The following PTPRK variants were observed in gnomAD, a reference collection of about 807,000 sequenced individuals.
PTPRK encodes the protein protein tyrosine phosphatase receptor type K, also known as receptor-type tyrosine-protein phosphatase kappa.
In PTPRK, 75 loss-of-function variants were observed where a neutral mutation model predicts 178.0. The observed-to-expected ratio is 0.42, with a 90% confidence interval of 0.35 to 0.51. PTPRK has a LOEUF of 0.51. PTPRK is among the 20% of genes least tolerant of loss of function. The pLI is 0.02. For synonymous variants in PTPRK, 637 were observed against 620.6 expected, an observed-to-expected ratio of 1.03 and a Z score of -0.39; for missense variants, 1,441 against 1,797.8, an observed-to-expected ratio of 0.80 and a Z score of 3.59.
chr6:128,179,625 G>A (rs1421719913), intron 7 of PTPRK, among the ~76,000 whole-genome samples: 2 of 151,942 alleles, frequency 1.3e-5, no homozygotes, highest in Admixed American at 1.3e-4. Flanking sequence ...CAAATAGTAA[G>A]TCATCCTTAC....
intron 2 of PTPRK, among the ~76,000 whole-genome samples, chr6:128,385,574 T>C (rs973673064): frequency 7.2e-5 from 11 of 152,236 alleles, no homozygotes; most frequent in African/African-American, 2.2e-4. Flanking sequence ...CAAATACTTA[T>C]TAAATAGTAA....
chr6:128,194,428 A>G (rs1227231571), intron 6 of PTPRK, among the ~76,000 whole-genome samples: 1 of 152,134 alleles, frequency 6.6e-6, no homozygotes, highest in Non-Finnish European at 1.5e-5. Flanking sequence ...AGCCTCTCTC[A>G]GTACTACAGT....
chr6:128,288,369 G>C (rs17055563), intron 3 of PTPRK, among the ~76,000 whole-genome samples: 1,549 of 152,238 alleles, frequency 0.01, 27 homozygotes, highest in African/African-American at 0.035. Context: ...TAATACAAAA[G>C]TGAATCTAGA....
intron 7 of PTPRK, among the ~76,000 whole-genome samples, chr6:128,121,825 G>C (rs1207999687): frequency 6.6e-6 from 1 of 151,812 alleles, no homozygotes; most frequent in African/African-American, 2.4e-5. Context: ...TCCTGTTTAA[G>C]TTTCACTTTT....
intron 14 of PTPRK, among the ~76,000 whole-genome samples, chr6:128,006,327 T>C (rs1049700474): frequency 3.3e-5 from 5 of 150,940 alleles, no homozygotes; most frequent in African/African-American, 2.4e-5. Flanking sequence ...ATTGCCAAAA[T>C]ATTGAAAAAT....
intron 7 of PTPRK, among the ~76,000 whole-genome samples, chr6:128,120,841 C>T (rs896900752): frequency 6.6e-6 from 1 of 151,802 alleles, no homozygotes; most frequent in Non-Finnish European, 1.5e-5. Flanking sequence ...ACTAAAATGA[C>T]ATTTCTACTA....
chr6:128,454,986 C>T (rs914110855), intron 1 of PTPRK, among the ~76,000 whole-genome samples: 1 of 151,906 alleles, frequency 6.6e-6, no homozygotes, highest in African/African-American at 2.4e-5. Context: ...ATATAAAAGC[C>T]TTTTGCAAAG....
At chr6:128,033,212 G>A (rs1037414806) in intron 13 of PTPRK, among the ~76,000 whole-genome samples, 11 of 152,138 alleles carry the variant, frequency 7.2e-5, no homozygotes, top group African/African-American at 2.7e-4. Context: ...TAGCACTTGG[G>A]GCCTGGCACA....
intron 25 of PTPRK, among the ~76,000 whole-genome samples, chr6:127,980,227 T>C (rs1485095518): frequency 1.3e-5 from 2 of 152,224 alleles, no homozygotes; most frequent in Non-Finnish European, 2.9e-5. Flanking sequence ...GGAGAATCGC[T>C]TGAACCTGGG....
chr6:128,307,143 A>C (rs1826507448), intron 3 of PTPRK, among the ~76,000 whole-genome samples: 1 of 140,838 alleles, frequency 7.1e-6, no homozygotes, highest in African/African-American at 3.0e-5. Context: ...GAAGGCTCAG[A>C]GCTCAGAAGA....
At chr6:128,485,078 G>A (rs1852616731) in intron 1 of PTPRK, among the ~76,000 whole-genome samples, 1 of 152,158 alleles carries the variant, frequency 6.6e-6, no homozygotes, top group Non-Finnish European at 1.5e-5. Context: ...CAGTTTTAAT[G>A]CTACCCACAA....
chr6:128,283,215 G>A (rs919904224), intron 3 of PTPRK, among the ~76,000 whole-genome samples: 11 of 152,098 alleles, frequency 7.2e-5, no homozygotes, highest in African/African-American at 2.7e-4. Context: ...GTCCTTCACA[G>A]ACCACTTCCC....
At chr6:128,001,255 A>G in intron 15 of PTPRK, 1 of 1,451,862 alleles carries the variant, frequency 6.9e-7, no homozygotes, top group Non-Finnish European at 9.4e-7. Flanking sequence ...AATACGAATC[A>G]GTATGAAAAG....
intron 29 of PTPRK, among the ~76,000 whole-genome samples, chr6:127,971,416 C>G (rs1320544340): frequency 6.6e-6 from 1 of 152,182 alleles, no homozygotes; most frequent in Admixed American, 6.5e-5. Context: ...AGGTCTTTAT[C>G]ATTCCAACAC....
intron 6 of PTPRK, among the ~76,000 whole-genome samples, chr6:128,193,385 T>C (rs965727717): frequency 6.6e-6 from 1 of 151,280 alleles, no homozygotes; most frequent in Admixed American, 6.6e-5. Context: ...GTATTTTCCA[T>C]GTGAAGAAAA....
At chr6:127,972,607 TATAG>T (rs1262629762) in intron 29 of PTPRK, among the ~76,000 whole-genome samples, 3 of 152,170 alleles carry the variant, frequency 2.0e-5, no homozygotes, top group Non-Finnish European at 2.9e-5. Flanking sequence ...AATGAATAAT[TATAG>T]ATAATGACAA....
At chr6:128,271,367 T>C (rs1819790015) in intron 3 of PTPRK, among the ~76,000 whole-genome samples, 1 of 152,130 alleles carries the variant, frequency 6.6e-6, no homozygotes, top group South Asian at 2.1e-4. Context: ...GTGTCCACTG[T>C]AGACATGGTC....
intron 2 of PTPRK, among the ~76,000 whole-genome samples, chr6:128,396,650 A>G (rs1385108125): frequency 6.6e-6 from 1 of 152,190 alleles, no homozygotes; most frequent in African/African-American, 2.4e-5. Context: ...TTAAACAATT[A>G]TAAATTATAT....
intron 5 of PTPRK, among the ~76,000 whole-genome samples, chr6:128,228,375 G>A (rs745833648): frequency 1.8e-4 from 27 of 151,628 alleles, no homozygotes; most frequent in Admixed American, 3.9e-4. Flanking sequence ...TTCTGGGTGC[G>A]GTGGCTCACG....
Sources: allele counts gnomAD v4.1 joint callset (sites outside exome capture counted in the v4.1 genomes callset), GRCh38; gene constraint gnomAD v4.1.1; transcripts MANE v1.5; gene names NCBI Gene and HGNC (gene_info 2026-07-23, HGNC 2026-07-21).